The following GK variants were observed in gnomAD, a reference collection of about 807,000 sequenced individuals.
GK encodes the protein glycerol kinase.
Under a neutral mutation model 56.4 loss-of-function variants are expected in GK, and 9 were observed. The observed-to-expected ratio is 0.16, with a 90% CI of 0.10 to 0.28. The LOEUF (loss-of-function observed/expected upper bound fraction) is 0.28, where lower values mean the gene tolerates loss of function less well. GK is among the 10% of genes least tolerant of loss of function. The probability of loss-of-function intolerance (pLI) is 1.00; values close to 1 mark genes in which losing one functional copy is unlikely to be tolerated. For missense variants in GK, 161 were observed against 431.4 expected (o/e 0.37, Z 5.55); for synonymous variants, 104 against 144.1 (o/e 0.72, Z 1.99).
In GK at chrX:30,720,573, G is replaced by T. The variant is rs566234712; in HGVS notation, c.1237-48G>T. 3.7e-4 allele frequency: 413 copies of T among 1,113,905 alleles called. 5 individuals carry two copies. In the South Asian group the frequency reaches 7.2e-3, roughly 19 times the overall value. 91.8% of individuals were successfully genotyped at this position (1,113,905 alleles called of 1,213,427 possible). A position where few individuals can be genotyped will look rare whatever the true frequency, so the allele number is the denominator to read the frequency against. On this transcript the variant is annotated intron_variant, in intron 16 of 20. Coordinates refer to ENST00000427190, the MANE Select transcript of GK (RefSeq NM_001205019.2). ...GTGGAGGATTGCCATTTTCAGAGAT[G>T]TTACTATGAAATAGATTTATAACAT... is the stretch of plus-strand genomic sequence containing the variant.
rs1177052208 is a variant in GK at position 30,697,645 on chromosome X, GAA to G, written c.730-79_730-78del. The G allele has an allele frequency of 2.5e-5, 17 of 669,708 alleles. 1 individual carries two copies. The highest frequency in any genetic ancestry group is 9.4e-5 in the South Asian group (4 of 42,740). The allele number at this position is 669,708 out of a possible 1,213,427, so 55.2% of individuals were successfully genotyped here. A position where few individuals can be genotyped will look rare whatever the true frequency, so the allele number is the denominator to read the frequency against. ...GAGAAATAGTTTCACAGGATGGTTA[GAA>G]AAAAAAACGTGGAACTGGCCTAGTT... On this transcript the variant is annotated intron_variant, in intron 8 of 20. Transcript: ENST00000427190.
chrX:30,707,799 A>G (rs763848663), intron 12 of GK, among the ~76,000 whole-genome samples: 1 of 111,713 alleles, frequency 9.0e-6, no homozygotes, highest in African/African-American at 3.2e-5. Context: ...GTGTGTTTTT[A>G]ATTGTGCTGG....
intron 13 of GK, among the ~76,000 whole-genome samples, chrX:30,715,474 T>C (rs1176643054): frequency 8.9e-6 from 1 of 112,169 alleles, no homozygotes; most frequent in East Asian, 2.8e-4. Context: ...CTATTAAGCT[T>C]GCATGCATCT....
intron 13 of GK, among the ~76,000 whole-genome samples, chrX:30,715,429 C>A (rs1390000546): frequency 9.0e-6 from 1 of 111,504 alleles, no homozygotes; most frequent in Non-Finnish European, 1.9e-5. Flanking sequence ...TTCTTTACAC[C>A]CTCTCACTTT....
intron 13 of GK, among the ~76,000 whole-genome samples, chrX:30,709,485 C>T (rs971424538): frequency 1.6e-4 from 18 of 111,877 alleles, no homozygotes; most frequent in African/African-American, 5.5e-4. Context: ...CTGGGTCTTC[C>T]TCCTCCAGGG....
intron 13 of GK, 39 bp from the exon 14 acceptor site, chrX:30,718,499 A>T: frequency 1.1e-6 from 1 of 931,019 alleles, no homozygotes; most frequent in South Asian, 2.0e-5. Flanking sequence ...TTGGATAGTG[A>T]TAAAATATAT....
chrX:30,711,119 T>C (rs1002412145), intron 13 of GK, among the ~76,000 whole-genome samples: 1 of 51,931 alleles, frequency 1.9e-5, no homozygotes, highest in African/African-American at 7.5e-5. Context: ...TTTCCTTTTT[T>C]TCTTCTTCTT....
At chrX:30,705,301 T>G (rs1888299215) in intron 11 of GK, among the ~76,000 whole-genome samples, 1 of 112,391 alleles carries the variant, frequency 8.9e-6, no homozygotes, top group Non-Finnish European at 1.9e-5. Context: ...GGGAAGAAAT[T>G]ATGGATGATT....
At position 30,729,734 on chromosome X, in the gene GK, C is replaced by T. The variant is rs1937280455; in HGVS notation, c.*992C>T. 1 of 112,937 alleles carries T rather than the reference C, an allele frequency of 8.9e-6. No individual in the cohort carries two copies. Among genetic ancestry groups the T allele is most frequent in the African/African-American group, 3.2e-5 (1 of 31,227 alleles). 9.3% of individuals were successfully genotyped at this position (112,937 alleles called of 1,213,427 possible). A position where few individuals can be genotyped will look rare whatever the true frequency, so the allele number is the denominator to read the frequency against. ...TGTGACTTCAACTATATTTCTTATCCCTTACATTTTTATTTAATTGTCTTA... is the reference window on the plus strand; with the variant it reads ...TGTGACTTCAACTATATTTCTTATCTCTTACATTTTTATTTAATTGTCTTA... On this transcript the variant is annotated 3_prime_UTR_variant, in exon 21 of 21. Transcript: ENST00000427190.
chrX:30,720,505 C>G (rs920900587), intron 16 of GK, 116 bp from the exon 17 acceptor site: 21 of 697,310 alleles, frequency 3.0e-5, no homozygotes, highest in Non-Finnish European at 4.8e-5. Context: ...TAAGAAGTCT[C>G]AATTTATTCC....
At chrX:30,717,725 A>G (rs1936702014) in intron 13 of GK, among the ~76,000 whole-genome samples, 1 of 112,334 alleles carries the variant, frequency 8.9e-6, no homozygotes, top group Non-Finnish European at 1.9e-5. Context: ...TTCATCAGTC[A>G]GTGATATTTG....
intron 13 of GK, among the ~76,000 whole-genome samples, chrX:30,708,386 C>G (rs1280273040): frequency 3.7e-5 from 4 of 107,342 alleles, no homozygotes; most frequent in African/African-American, 6.8e-5. Flanking sequence ...TACTTGAGAG[C>G]TCTACAATGT....
chrX:30,658,051 C>T (rs184246683), intron 1 of GK, among the ~76,000 whole-genome samples: 4,875 of 111,490 alleles, frequency 0.044, 258 homozygotes, highest in African/African-American at 0.15. Context: ...TTGTTTCAAC[C>T]GACAATACAT....
At chrX:30,697,635 A>T in intron 8 of GK, 97 bp from the exon 9 acceptor site, 1 of 617,444 alleles carries the variant, frequency 1.6e-6, no homozygotes, top group South Asian at 2.3e-5. Flanking sequence ...ATAGTTTCAC[A>T]GGATGGTTAG....
chrX:30,705,737 T>C (rs1217950387), intron 11 of GK, among the ~76,000 whole-genome samples: 2 of 112,667 alleles, frequency 1.8e-5, no homozygotes, highest in Non-Finnish European at 3.8e-5. Context: ...CAATAAAATT[T>C]AAGAGGAAAA....
At chrX:30,683,029 A>T (rs765980526) in intron 4 of GK, among the ~76,000 whole-genome samples, 2 of 111,146 alleles carry the variant, frequency 1.8e-5, no homozygotes, top group Non-Finnish European at 3.8e-5. Context: ...TTAGGGGTTA[A>T]GATTTTAACA....
chrX:30,666,135 C>G (rs949177036), intron 2 of GK, among the ~76,000 whole-genome samples: 1 of 111,734 alleles, frequency 8.9e-6, no homozygotes, highest in Non-Finnish European at 1.9e-5. Context: ...CAGCATTTCA[C>G]TCTTAGGAAT....
chrX:30,710,146 A>G, intron 13 of GK, among the ~76,000 whole-genome samples: 1 of 111,897 alleles, frequency 8.9e-6, no homozygotes, highest in East Asian at 2.8e-4. Context: ...GAGATTAGAA[A>G]AGTGAAATTG....
chrX:30,694,456 C>T lies in GK; in HGVS notation c.471C>T (p.Leu157=). 8.3e-7 allele frequency: 1 copy of T among 1,201,486 alleles called. No homozygotes were observed. The highest frequency in any genetic ancestry group is 1.1e-6 in the Non-Finnish European group (1 of 886,275). ...TCAGTGCAGTGAAACTTCGTTGGCTCCTTGACAATGTGAGAAAAGTTCAAA... is the reference window on the plus strand; with the variant it reads ...TCAGTGCAGTGAAACTTCGTTGGCTTCTTGACAATGTGAGAAAAGTTCAAA... ...TYFSAVKLRW[L]LDNVRKVQKA... Residue 157 remains leucine (L), a synonymous_variant, in exon 6 of 21, where the codon CTC becomes CTT. Coordinates refer to ENST00000427190, the MANE Select transcript of GK (RefSeq NM_001205019.2).
Sources: allele counts gnomAD v4.1 joint callset (sites outside exome capture counted in the v4.1 genomes callset), GRCh38; gene constraint gnomAD v4.1.1; transcripts MANE v1.5; gene names NCBI Gene and HGNC (gene_info 2026-07-23, HGNC 2026-07-21).